TPGS2: variants seen among roughly 807,000 people sequenced by gnomAD.
The protein encoded by TPGS2 is tubulin polyglutamylase complex subunit 2, also known as polyglutamylase subunit 2.
In TPGS2, 26 loss-of-function variants were observed where a neutral mutation model predicts 31.1. The ratio of observed to expected loss-of-function variants is 0.84; its 90% CI spans 0.61 to 1.16. The LOEUF is 1.16. TPGS2 is among the 50% of genes most tolerant of loss of function. TPGS2 has a pLI of 0.00. For synonymous variants in TPGS2, 130 were observed against 136.6 expected, an observed-to-expected ratio of 0.95 and a Z score of 0.34; for missense variants, 351 against 363.8, an observed-to-expected ratio of 0.96 and a Z score of 0.29.
chr18:36,799,461 T>C (rs534808607), intron 5 of TPGS2, among the ~76,000 whole-genome samples: 1 of 152,264 alleles, frequency 6.6e-6, no homozygotes, highest in East Asian at 1.9e-4. Flanking sequence ...TTCCCATGGC[T>C]TGGCTTTTAC....
intron 1 of TPGS2, among the ~76,000 whole-genome samples, chr18:36,819,967 A>T (rs1423987555): frequency 6.6e-6 from 1 of 152,234 alleles, no homozygotes; most frequent in Non-Finnish European, 1.5e-5. Flanking sequence ...AGGCTGACAC[A>T]GGAGGGTAGC....
chr18:36,795,603 T>G lies in TPGS2; in HGVS notation c.*1202A>C. ...TTCCTAATTGAAAATCTGAGCAACC[T>G]TCTCTGTAAAAATTTCATTAAATGT... On this transcript the variant is annotated 3_prime_UTR_variant, in exon 7 of 7. Transcript: ENST00000334295. The G allele has an allele frequency of 3.0e-6, 3 of 985,494 alleles. No individual in the cohort carries two copies. The highest frequency in any genetic ancestry group is 2.4e-6 in the Non-Finnish European group (2 of 829,944). The allele number at this position is 985,494 out of a possible 1,614,324, so 61.0% of individuals were successfully genotyped here. A position where few individuals can be genotyped will look rare whatever the true frequency, so the allele number is the denominator to read the frequency against.
chr18:36,805,380 G>A lies in TPGS2; in HGVS notation c.376C>T (p.His126Tyr). 1.2e-6 allele frequency: 2 copies of A among 1,613,872 alleles called. No individual in the cohort carries two copies. Among genetic ancestry groups the A allele is most frequent in the Non-Finnish European group, 1.7e-6 (2 of 1,179,806 alleles). The change falls in exon 4 of 7, where the codon CAT becomes TAT. Residue 126 changes from histidine to tyrosine, a missense_variant. By Grantham distance (83) the His-to-Tyr change is moderately conservative (BLOSUM62 2). Coordinates refer to ENST00000334295, the MANE Select transcript of TPGS2 (RefSeq NM_015476.4). The stretch of plus-strand genomic sequence containing the variant: ...AACCTTGGTATCTTCCTACCTTCAT[G>A]TGTATCGTCCTCCAGGTCTGCCAGA... ...PTLADLEDDT[H>Y]EASDDQPEKP...
At chr18:36,799,096 C>T (rs547628989) in intron 5 of TPGS2, among the ~76,000 whole-genome samples, 2 of 152,250 alleles carry the variant, frequency 1.3e-5, no homozygotes, top group East Asian at 1.9e-4. Flanking sequence ...GGGAGTCTTG[C>T]CTATACTGTG....
intron 3 of TPGS2, among the ~76,000 whole-genome samples, chr18:36,806,581 G>A (rs369473871): frequency 3.3e-5 from 5 of 151,910 alleles, no homozygotes; most frequent in South Asian, 4.2e-4. Flanking sequence ...GGCTGGGTGC[G>A]GTGCCTCACA....
intron 1 of TPGS2, among the ~76,000 whole-genome samples, chr18:36,827,094 C>T (rs1243226659): frequency 6.6e-6 from 1 of 151,806 alleles, no homozygotes; most frequent in Admixed American, 6.6e-5. Flanking sequence ...TGGACTTGAA[C>T]TGGGCTCTAA....
chr18:36,816,619 T>A (rs544847398), intron 2 of TPGS2, among the ~76,000 whole-genome samples: 1 of 152,120 alleles, frequency 6.6e-6, no homozygotes, highest in Non-Finnish European at 1.5e-5. Flanking sequence ...TTCTTTTTTT[T>A]GGGGGTGGGG....
downstream of TPGS2, among the ~76,000 whole-genome samples, chr18:36,791,008 G>T (rs981749212): frequency 2.0e-5 from 3 of 152,150 alleles, no homozygotes; most frequent in Non-Finnish European, 4.4e-5. Context: ...CCTTGTGGGA[G>T]GTGATTGATT....
At chr18:36,810,982 A>C (rs567018787) in intron 2 of TPGS2, among the ~76,000 whole-genome samples, 7 of 152,248 alleles carry the variant, frequency 4.6e-5, no homozygotes, top group Admixed American at 3.3e-4. Context: ...CCAACTAGGG[A>C]GCAGATGCAG....
At chr18:36,823,978 A>T (rs894522563) in intron 1 of TPGS2, 1 of 603,858 alleles carries the variant, frequency 1.7e-6, no homozygotes, top group Non-Finnish European at 2.1e-6. Flanking sequence ...AGTGATTTTT[A>T]TATTCAGAGT....
At chr18:36,823,436 C>G (rs2045979310) in intron 1 of TPGS2, among the ~76,000 whole-genome samples, 1 of 148,188 alleles carries the variant, frequency 6.7e-6, no homozygotes, top group Non-Finnish European at 1.5e-5. Context: ...CCTCAAATCT[C>G]TCTGACTTCC....
chr18:36,792,510 T>C (rs1213510660), downstream of TPGS2, among the ~76,000 whole-genome samples: 4 of 152,204 alleles, frequency 2.6e-5, no homozygotes, highest in African/African-American at 7.2e-5. Context: ...TTTACTGGAA[T>C]AAAAACAGAT....
At chr18:36,797,706 T>C (rs999936206) in intron 6 of TPGS2, among the ~76,000 whole-genome samples, 1 of 151,284 alleles carries the variant, frequency 6.6e-6, no homozygotes, top group South Asian at 2.1e-4. Flanking sequence ...TGCTAATTTA[T>C]AGCTGCAAGA....
In TPGS2 at chr18:36,797,038, T is replaced by C. The variant is rs749160119; in HGVS notation, c.670A>G (p.Met224Val). The part of the protein sequence containing the change: ...ISPQAKQWFS[M>V]YKPITYNTNL... The stretch of plus-strand genomic sequence containing the variant: ...GTGTTGTAGGTGATAGGTTTATACA[T>C]GCTGAACCATTGCTGTAAGGCAGAA... Residue 224 changes from methionine (M) to valine (V), a missense_variant, in exon 7 of 7, where the codon ATG (methionine) becomes GTG (valine). Met to Val is a conservative substitution (Grantham distance 21, BLOSUM62 1). Transcript: ENST00000334295. 6.3e-7 allele frequency: 1 copy of C among 1,594,606 alleles called. No individual in the cohort carries two copies. The highest frequency in any genetic ancestry group is 2.3e-5 in the East Asian group (1 of 44,398).
downstream of TPGS2, chr18:36,789,190 TTG>T (rs2044224823): frequency 6.6e-6 from 1 of 152,166 alleles, no homozygotes; most frequent in Non-Finnish European, 1.5e-5. Flanking sequence ...GAAAAGGATG[TTG>T]TGTTTTAGGT....
At chr18:36,810,456 A>G (rs1320780224) in intron 2 of TPGS2, among the ~76,000 whole-genome samples, 1 of 152,162 alleles carries the variant, frequency 6.6e-6, no homozygotes, top group African/African-American at 2.4e-5. Context: ...TGCCCACATC[A>G]GAGGGCTTCT....
chr18:36,811,507 CTG>C (rs1179748229), intron 2 of TPGS2, among the ~76,000 whole-genome samples: 53 of 152,126 alleles, frequency 3.5e-4, no homozygotes, highest in Admixed American at 3.5e-3. Flanking sequence ...CTTGGTGAAG[CTG>C]TGTGTCTGAC....
chr18:36,815,564 C>G (rs980902787), intron 2 of TPGS2, among the ~76,000 whole-genome samples: 2 of 151,950 alleles, frequency 1.3e-5, no homozygotes, highest in Admixed American at 6.6e-5. Flanking sequence ...CACACATAAC[C>G]AAAAATACAC....
At chr18:36,826,422 G>A (rs899915565) in intron 1 of TPGS2, among the ~76,000 whole-genome samples, 5 of 116,948 alleles carry the variant, frequency 4.3e-5, no homozygotes, top group African/African-American at 1.4e-4. Context: ...GTGTGTGTGT[G>A]TGTGTGTGTG....
Sources: allele counts gnomAD v4.1 joint callset (sites outside exome capture counted in the v4.1 genomes callset), GRCh38; gene constraint gnomAD v4.1.1; transcripts MANE v1.5; gene names NCBI Gene and HGNC (gene_info 2026-07-23, HGNC 2026-07-21).